LRCH1: variants seen among roughly 807,000 people sequenced by gnomAD.
LRCH1 encodes the protein leucine-rich repeat and calponin homology domain-containing protein 1.
A neutral mutation model predicts 94.9 loss-of-function variants in LRCH1; 23 were observed. That is an observed-to-expected ratio of 0.24 (90% confidence interval 0.17 to 0.34). The LOEUF is 0.34. Ranked by LOEUF, LRCH1 falls within the 10% of genes least tolerant of loss-of-function variation. The pLI is 1.00. For synonymous variants in LRCH1, 364 were observed against 354.9 expected, an observed-to-expected ratio of 1.03 and a Z score of -0.29; for missense variants, 790 against 945.9, an observed-to-expected ratio of 0.84 and a Z score of 2.16.
In LRCH1 at chr13:46,660,034, C is replaced by CTTTTTTTTTTTTTT. The variant is rs767544799; in HGVS notation, c.453-8994_453-8981dup. Reference sequence around the variant, plus strand: ...CACTTTCTGTATTCCTTAGGAGTCACTTTTTTTTTTTTTTTGAGACAGGCT... The same window carrying CTTTTTTTTTTTTTT: ...CACTTTCTGTATTCCTTAGGAGTCACTTTTTTTTTTTTTTTTTTTTTTTTTTTTTGAGACAGGCT... On this transcript the variant is annotated intron_variant, in intron 2 of 19. Coordinates refer to ENST00000389797, the MANE Select transcript of LRCH1 (RefSeq NM_001164211.2). 2.2e-3 allele frequency among the ~76,000 whole-genome samples: 231 copies of CTTTTTTTTTTTTTT among 103,606 alleles called. 23 individuals carry two copies. Among genetic ancestry groups the CTTTTTTTTTTTTTT allele is most frequent in the Middle Eastern group, 7.6e-3 (1 of 132 alleles). The allele number at this position is 103,606 out of a possible 152,430, so 68.0% of individuals were successfully genotyped here.
chr13:46,567,650 G>C lies in LRCH1; in HGVS notation c.307+13947G>C, dbSNP rs116352012. ...GTTTGTTCAGATATTTACAATGAATGCTTTCTTGTATCTATACAGTACTGT... is the reference window on the plus strand; with the variant it reads ...GTTTGTTCAGATATTTACAATGAATCCTTTCTTGTATCTATACAGTACTGT... On this transcript the variant is annotated intron_variant, in intron 1 of 19. Transcript: ENST00000389797. 2.4e-3 allele frequency among the ~76,000 whole-genome samples: 362 copies of C among 152,132 alleles called. 1 individual carries two copies. The highest frequency in any genetic ancestry group is 8.3e-3 in the African/African-American group (343 of 41,468).
intron 1 of LRCH1, among the ~76,000 whole-genome samples, chr13:46,584,498 A>C (rs1240719621): frequency 6.6e-6 from 1 of 152,216 alleles, no homozygotes; most frequent in Non-Finnish European, 1.5e-5. Flanking sequence ...CTGTTATCAC[A>C]TGGCAAGTAG....
intron 3 of LRCH1, among the ~76,000 whole-genome samples, chr13:46,674,229 G>C (rs1259770533): frequency 6.6e-6 from 1 of 152,146 alleles, no homozygotes; most frequent in Admixed American, 6.5e-5. Flanking sequence ...AATTGGAGTT[G>C]GAAAATGGTA....
intron 17 of LRCH1, among the ~76,000 whole-genome samples, chr13:46,725,903 A>C (rs8001474): frequency 0.062 from 9,366 of 152,220 alleles, 929 homozygotes; most frequent in African/African-American, 0.21. Flanking sequence ...GATATCTTAC[A>C]ATTTTATCTT....
At chr13:46,733,292 G>A (rs1373098777) in intron 18 of LRCH1, among the ~76,000 whole-genome samples, 1 of 152,158 alleles carries the variant, frequency 6.6e-6, no homozygotes, top group Non-Finnish European at 1.5e-5. Flanking sequence ...TATAACCAAG[G>A]TTAATTCAAT....
chr13:46,686,045 A>G lies in LRCH1; in HGVS notation c.822+4A>G. 4 of 1,564,892 alleles carry G rather than the reference A, an allele frequency of 2.6e-6. No homozygotes were observed. The highest frequency in any genetic ancestry group is 2.6e-6 in the Non-Finnish European group (3 of 1,159,122). ...TCTGCAGTCTCCTCCAGCACAGGTG[A>G]GGGGTCTTGCAGCAAAGCCAATGCC... On this transcript the variant is annotated splice_donor_region_variant and intron_variant, in intron 5 of 19. Coordinates refer to ENST00000389797, the MANE Select transcript of LRCH1 (RefSeq NM_001164211.2).
chr13:46,573,958 G>A (rs572065794), intron 1 of LRCH1, among the ~76,000 whole-genome samples: 5 of 147,826 alleles, frequency 3.4e-5, no homozygotes, highest in East Asian at 2.0e-4. Flanking sequence ...CACCTGCCTC[G>A]TTCAAGCCTC....
chr13:46,603,730 T>TA (rs1436570363), intron 1 of LRCH1, among the ~76,000 whole-genome samples: 2 of 152,176 alleles, frequency 1.3e-5, no homozygotes, highest in Non-Finnish European at 1.5e-5. Context: ...GATCTTGGCT[T>TA]ACTGCAGCCT....
intron 1 of LRCH1, among the ~76,000 whole-genome samples, chr13:46,627,786 T>C (rs2050968506): frequency 6.6e-6 from 1 of 152,232 alleles, no homozygotes; most frequent in Non-Finnish European, 1.5e-5. Context: ...GACTTCCTTC[T>C]TTTTAAGCTT....
chr13:46,613,373 C>T (rs1195997030), intron 1 of LRCH1, among the ~76,000 whole-genome samples: 3 of 143,860 alleles, frequency 2.1e-5, no homozygotes, highest in South Asian at 2.3e-4. Flanking sequence ...GGTGACAGAG[C>T]GAGACCCCGT....
intron 5 of LRCH1, among the ~76,000 whole-genome samples, chr13:46,686,426 G>C (rs527989451): frequency 1.1e-4 from 17 of 152,242 alleles, no homozygotes; most frequent in Middle Eastern, 3.4e-3. Context: ...CCCTCTTTGC[G>C]ATGGGGGGTC....
At position 46,687,955 on chromosome 13, in the gene LRCH1, A is replaced by T; in HGVS notation, c.926A>T (p.His309Leu). 1 of 1,612,166 alleles carries T rather than the reference A, an allele frequency of 6.2e-7. No individual in the cohort carries two copies. ...TATCTCCACACCATGGAGAGGCCAC[A>T]TTTACACCAGCACGTGGAAGATGGG... ...SLYLHTMERP[H>L]LHQHVEDGKK... Residue 309 changes from histidine (H) to leucine (L), a missense_variant, in exon 6 of 20, where the codon CAT (histidine) becomes CTT (leucine). This residue lies in a region of LRCH1 where 194 missense variants were observed against 293.5 expected (regional missense o/e 0.66). Coordinates refer to ENST00000389797, the MANE Select transcript of LRCH1 (RefSeq NM_001164211.2).
chr13:46,635,494 G>T (rs569812986), intron 1 of LRCH1, among the ~76,000 whole-genome samples: 1 of 112,934 alleles, frequency 8.9e-6, no homozygotes, highest in Non-Finnish European at 1.7e-5. Context: ...TTTTTGAGAC[G>T]GAGTCTCGCT....
intron 13 of LRCH1, among the ~76,000 whole-genome samples, chr13:46,709,910 G>A (rs2138195858): frequency 6.6e-6 from 1 of 152,268 alleles, no homozygotes; most frequent in East Asian, 1.9e-4. Flanking sequence ...TGAATTCACA[G>A]GGCCAGTGAT....
At chr13:46,674,627 G>A (rs1478913805) in intron 3 of LRCH1, among the ~76,000 whole-genome samples, 1 of 152,198 alleles carries the variant, frequency 6.6e-6, no homozygotes, top group African/African-American at 2.4e-5. Context: ...CTATCTGCCT[G>A]TGCTTTCTAT....
intron 1 of LRCH1, among the ~76,000 whole-genome samples, chr13:46,638,351 ACTT>A (rs1436011972): frequency 6.6e-6 from 1 of 152,140 alleles, no homozygotes; most frequent in Non-Finnish European, 1.5e-5. Context: ...TCCTCCTTTG[ACTT>A]CTTCAGCAAT....
intron 19 of LRCH1, among the ~76,000 whole-genome samples, chr13:46,735,788 CTTTTCTTT>C (rs1291437287): frequency 8.0e-4 from 56 of 69,908 alleles, no homozygotes; most frequent in Non-Finnish European, 1.0e-3. Context: ...TTTTCTTTTT[CTTTTCTTT>C]TTTTTTTTTT....
chr13:46,692,208 ACAGAGAAGCCCATAAGTGTTAGCT>A (rs1870934852), intron 7 of LRCH1, among the ~76,000 whole-genome samples: 3 of 152,226 alleles, frequency 2.0e-5, no homozygotes, highest in Non-Finnish European at 4.4e-5. Context: ...AGAAGAAAAC[ACAGAGAAGCCCATAAGTGTTAGCT>A]CCATGAATTT....
At chr13:46,595,320 CCCGA>C (rs2050548285) in intron 1 of LRCH1, among the ~76,000 whole-genome samples, 1 of 152,156 alleles carries the variant, frequency 6.6e-6, no homozygotes, top group African/African-American at 2.4e-5. Context: ...GCTAGCCTAC[CCCGA>C]CCATGCAGTA....
Sources: allele counts gnomAD v4.1 joint callset (sites outside exome capture counted in the v4.1 genomes callset), GRCh38; gene constraint gnomAD v4.1.1; regional missense constraint gnomAD v4.1.1; transcripts MANE v1.5; gene names NCBI Gene and HGNC (gene_info 2026-07-23, HGNC 2026-07-21).